ACMSD: variants seen among roughly 807,000 people sequenced by gnomAD.
ACMSD encodes the protein aminocarboxymuconate semialdehyde decarboxylase.
ACMSD carries 37 observed loss-of-function variants against 45.9 expected under a neutral mutation model. The observed-to-expected ratio is 0.81, with a 90% CI of 0.62 to 1.06. ACMSD has a LOEUF of 1.06. Ranked by LOEUF, ACMSD falls within the 50% of genes least tolerant of loss-of-function variation. The pLI is 0.00. For synonymous variants in ACMSD, 138 were observed against 148.8 expected, an observed-to-expected ratio of 0.93 and a Z score of 0.53; for missense variants, 434 against 420.9, an observed-to-expected ratio of 1.03 and a Z score of -0.27.
chr2:134,868,451 CTTTTTTT>C (rs1170969126), intron 6 of ACMSD, among the ~76,000 whole-genome samples: 1 of 124,210 alleles, frequency 8.1e-6, no homozygotes, highest in Admixed American at 8.8e-5. Context: ...ATATTTTTTT[CTTTTTTT>C]TTTTTTTTTT....
At chr2:134,862,121 GC>G in intron 4 of ACMSD, 103 bp downstream of exon 4, 9 of 1,223,794 alleles carry the variant, frequency 7.4e-6, no homozygotes, top group Non-Finnish European at 1.1e-5. Context: ...ACCACTAACT[GC>G]CCCCAACAAC....
chr2:134,842,176 T>C (rs1270207844), intron 1 of ACMSD, among the ~76,000 whole-genome samples: 2 of 152,214 alleles, frequency 1.3e-5, no homozygotes, highest in Non-Finnish European at 2.9e-5. Context: ...TCCCGGCATA[T>C]GCTCAGACCA....
intron 8 of ACMSD, among the ~76,000 whole-genome samples, chr2:134,880,964 G>A (rs1289360523): frequency 2.6e-5 from 4 of 151,818 alleles, no homozygotes; most frequent in Non-Finnish European, 5.9e-5. Context: ...TAGACTTTCC[G>A]CCACCCCAAC....
chr2:134,894,033 T>C (rs1689948804), intron 8 of ACMSD, among the ~76,000 whole-genome samples: 3 of 152,196 alleles, frequency 2.0e-5, no homozygotes, highest in Non-Finnish European at 4.4e-5. Flanking sequence ...AGACCTTAAT[T>C]CGGTGGCCTA....
intron 2 of ACMSD, among the ~76,000 whole-genome samples, chr2:134,858,211 G>A (rs1687670339): frequency 6.6e-6 from 1 of 152,068 alleles, no homozygotes; most frequent in African/African-American, 2.4e-5. Context: ...TTATAAAAAG[G>A]AAATTCTATC....
chr2:134,872,694 G>A, intron 8 of ACMSD, 53 bp downstream of exon 8: 1 of 1,594,350 alleles, frequency 6.3e-7, no homozygotes, highest in Non-Finnish European at 8.6e-7. Context: ...TGCTGCATCA[G>A]CAACCCATTC....
intron 1 of ACMSD, among the ~76,000 whole-genome samples, chr2:134,843,718 G>C (rs1250241094): frequency 6.6e-6 from 1 of 152,180 alleles, no homozygotes; most frequent in Non-Finnish European, 1.5e-5. Context: ...AGCCATTAAG[G>C]AGCTCCCTCA....
intron 2 of ACMSD, among the ~76,000 whole-genome samples, chr2:134,858,519 C>T (rs1278726994): frequency 1.3e-5 from 2 of 152,114 alleles, no homozygotes; most frequent in East Asian, 3.8e-4. Context: ...TTTTAAGTGT[C>T]ATCACCTCAA....
chr2:134,847,366 T>A (rs1431189137), intron 2 of ACMSD, among the ~76,000 whole-genome samples: 1 of 151,602 alleles, frequency 6.6e-6, no homozygotes, highest in Non-Finnish European at 1.5e-5. Context: ...CTGAAGACAG[T>A]GGGGAACCAC....
intron 8 of ACMSD, among the ~76,000 whole-genome samples, chr2:134,885,292 T>A (rs376206292): frequency 6.0e-5 from 6 of 99,630 alleles, no homozygotes; most frequent in African/African-American, 2.5e-4. Flanking sequence ...ATATTATATT[T>A]ATATATATAT....
Position 134,859,730 on chromosome 2 carries a change from TAAG to T in ACMSD, c.199+375_199+377del, listed in dbSNP as rs141952996. ...TGACAATTGCCTGCTTAATAACACT[TAAG>T]ATCCAATTTCTTTCTGTAGTTTGTC... On this transcript the variant is annotated intron_variant, in intron 3 of 9. Coordinates refer to ENST00000356140, the MANE Select transcript of ACMSD (RefSeq NM_138326.3). 2.1e-3 allele frequency: 340 copies of T among 160,418 alleles called. 1 individual carries two copies. Among genetic ancestry groups the T allele is most frequent in the African/African-American group, 7.6e-3 (319 of 41,836 alleles). 9.9% of individuals were successfully genotyped at this position (160,418 alleles called of 1,614,324 possible).
chr2:134,890,263 A>G (rs936483276), intron 8 of ACMSD, among the ~76,000 whole-genome samples: 1 of 152,140 alleles, frequency 6.6e-6, no homozygotes, highest in African/African-American at 2.4e-5. Context: ...AAGACTCAAT[A>G]TCACTTCGGT....
At chr2:134,896,290 A>G (rs1199220034) in intron 8 of ACMSD, among the ~76,000 whole-genome samples, 1 of 152,226 alleles carries the variant, frequency 6.6e-6, no homozygotes, top group African/African-American at 2.4e-5. Context: ...TCCAAAGAAA[A>G]TAATAGATGA....
intron 1 of ACMSD, among the ~76,000 whole-genome samples, chr2:134,842,216 C>CT (rs1397078366): frequency 6.6e-6 from 1 of 152,144 alleles, no homozygotes; most frequent in Non-Finnish European, 1.5e-5. Context: ...AAATTTTAGA[C>CT]TCCAGGCTCG....
At chr2:134,898,031 T>C (rs957900400) in intron 8 of ACMSD, among the ~76,000 whole-genome samples, 2 of 151,536 alleles carry the variant, frequency 1.3e-5, no homozygotes, top group Admixed American at 1.3e-4. Flanking sequence ...TCTGAATATA[T>C]ATATTTTAGT....
chr2:134,883,799 A>G (rs1689174538), intron 8 of ACMSD, among the ~76,000 whole-genome samples: 1 of 152,148 alleles, frequency 6.6e-6, no homozygotes, highest in African/African-American at 2.4e-5. Context: ...ACACCCAGCC[A>G]AAAAAGTATT....
chr2:134,861,416 G>C (rs1229694236), intron 3 of ACMSD, among the ~76,000 whole-genome samples: 1 of 152,152 alleles, frequency 6.6e-6, no homozygotes, highest in African/African-American at 2.4e-5. Flanking sequence ...CCCTCATTGA[G>C]TATTTACTTT....
chr2:134,858,834 T>C (rs1431540504), intron 2 of ACMSD, among the ~76,000 whole-genome samples: 1 of 151,404 alleles, frequency 6.6e-6, no homozygotes, highest in Non-Finnish European at 1.5e-5. Flanking sequence ...TATCCATATA[T>C]TGCTTCTCCA....
At chr2:134,901,671 C>A in intron 9 of ACMSD, 127 bp from the exon 10 acceptor site, 1 of 528,736 alleles carries the variant, frequency 1.9e-6, no homozygotes, top group Non-Finnish European at 3.3e-6. Context: ...AAGAGATTCA[C>A]TGTATAACCT....
Sources: allele counts gnomAD v4.1 joint callset (sites outside exome capture counted in the v4.1 genomes callset), GRCh38; gene constraint gnomAD v4.1.1; transcripts MANE v1.5; gene names NCBI Gene and HGNC (gene_info 2026-07-23, HGNC 2026-07-21).